The following FANCL variants were observed in gnomAD, a reference collection of about 807,000 sequenced individuals.
The protein encoded by FANCL is FA complementation group L.
FANCL carries 69 observed loss-of-function variants against 59.4 expected under a neutral mutation model. The ratio of observed to expected loss-of-function variants is 1.16; its 90% CI spans 0.96 to 1.42. The LOEUF is 1.42. Ranked by LOEUF, FANCL falls within the 40% of genes most tolerant of loss-of-function variation. The pLI, the probability that FANCL is intolerant of heterozygous loss-of-function variation, is 0.00. For missense variants in FANCL, 519 were observed against 447.2 expected (o/e 1.16, Z -1.45); for synonymous variants, 180 against 147.1 (o/e 1.22, Z -1.62).
chr2:58,190,574 C>A (rs140197922), intron 7 of FANCL, among the ~76,000 whole-genome samples: 1,754 of 151,318 alleles, frequency 0.012, 28 homozygotes, highest in African/African-American at 0.038. Flanking sequence ...CAAAAGGGTG[C>A]TACCATCCAT....
chr2:58,222,672 T>G (rs1692602183), intron 4 of FANCL, among the ~76,000 whole-genome samples: 1 of 152,018 alleles, frequency 6.6e-6, no homozygotes, highest in Non-Finnish European at 1.5e-5. Context: ...CAACCAAAAC[T>G]AAAATTTTTT....
chr2:58,239,574 T>C (rs183232217), intron 1 of FANCL, among the ~76,000 whole-genome samples: 1 of 152,336 alleles, frequency 6.6e-6, no homozygotes, highest in East Asian at 1.9e-4. Flanking sequence ...AACTGTATCA[T>C]AAACAAAATT....
intron 8 of FANCL, among the ~76,000 whole-genome samples, chr2:58,163,776 C>T (rs1181406842): frequency 1.3e-5 from 2 of 151,920 alleles, no homozygotes; most frequent in African/African-American, 2.4e-5. Flanking sequence ...TTCTGGTCAA[C>T]TGTATTAAAG....
At chr2:58,188,770 G>GA (rs78612128) in intron 7 of FANCL, among the ~76,000 whole-genome samples, 211 of 135,106 alleles carry the variant, frequency 1.6e-3, no homozygotes, top group Non-Finnish European at 1.6e-3. Flanking sequence ...AATTAGGAAG[G>GA]AAAAAAAAAA....
At chr2:58,233,194 C>T (rs928478991) in intron 1 of FANCL, among the ~76,000 whole-genome samples, 2 of 151,954 alleles carry the variant, frequency 1.3e-5, no homozygotes, top group African/African-American at 4.8e-5. Context: ...ACATCCCACA[C>T]AAAGGTGTAA....
chr2:58,226,745 C>A lies in FANCL; in HGVS notation c.256G>T (p.Glu86Ter). The change falls in exon 4 of 14, where the codon GAG becomes TAG. Residue 86 changes from glutamate (E) to a stop codon, truncating the protein, a stop_gained. Coordinates refer to ENST00000233741, the MANE Select transcript of FANCL (RefSeq NM_018062.4). LOFTEE classifies it high-confidence loss of function. ...ATTCTTACCAAAAGCATCTTCAACT[C>A]CATCATAAAGCTCATTAGATCAGGA... ...HSPDLMSFMM[E>*]LKMLLEVALK... 1.2e-6 allele frequency: 2 copies of A among 1,613,230 alleles called. No individual in the cohort carries two copies. Among genetic ancestry groups the A allele is most frequent in the Non-Finnish European group, 1.7e-6 (2 of 1,179,598 alleles).
chr2:58,184,842 C>T (rs556526750), intron 7 of FANCL, among the ~76,000 whole-genome samples: 8 of 152,164 alleles, frequency 5.3e-5, no homozygotes, highest in East Asian at 1.9e-4. Context: ...GAGGAAACAT[C>T]GTGAGAAAGT....
chr2:58,240,640 T>G (rs775231756), intron 1 of FANCL, among the ~76,000 whole-genome samples: 2 of 152,206 alleles, frequency 1.3e-5, no homozygotes, highest in Non-Finnish European at 2.9e-5. Flanking sequence ...TGTTAGTATG[T>G]GTAATAAACT....
At chr2:58,165,694 A>G (rs1685863363) in intron 8 of FANCL, 30 bp downstream of exon 8, 3 of 1,613,834 alleles carry the variant, frequency 1.9e-6, no homozygotes, top group Admixed American at 3.3e-5. Flanking sequence ...AAACACCTAA[A>G]AACAAACCCT....
chr2:58,174,780 A>T (rs1167839473), intron 7 of FANCL, among the ~76,000 whole-genome samples: 2 of 152,322 alleles, frequency 1.3e-5, no homozygotes, highest in Non-Finnish European at 2.9e-5. Context: ...GCAAGAAATA[A>T]CTAAAACCAG....
chr2:58,224,654 T>C (rs970156761), intron 4 of FANCL, among the ~76,000 whole-genome samples: 1 of 151,952 alleles, frequency 6.6e-6, no homozygotes, highest in East Asian at 1.9e-4. Flanking sequence ...TATCAAAACT[T>C]TCCATTGTTA....
intron 7 of FANCL, among the ~76,000 whole-genome samples, chr2:58,177,280 G>T (rs1355896748): frequency 6.6e-6 from 1 of 151,962 alleles, no homozygotes; most frequent in African/African-American, 2.4e-5. Context: ...CCCATTACTG[G>T]GTATATACCC....
chr2:58,227,116 G>C (rs1017259419), intron 3 of FANCL, among the ~76,000 whole-genome samples: 1 of 152,182 alleles, frequency 6.6e-6, no homozygotes, highest in Non-Finnish European at 1.5e-5. Context: ...AGTGTGGCTT[G>C]CTTCTTCAGT....
At chr2:58,165,916 A>AC (rs1190330894) in intron 7 of FANCL, 42 bp from the exon 8 acceptor site, 1 of 1,581,910 alleles carries the variant, frequency 6.3e-7, no homozygotes, top group Non-Finnish European at 8.7e-7. Flanking sequence ...ATGGTACTCT[A>AC]CCAATAGCAG....
intron 6 of FANCL, among the ~76,000 whole-genome samples, chr2:58,200,390 T>C (rs1689877613): frequency 6.6e-6 from 1 of 152,044 alleles, no homozygotes; most frequent in African/African-American, 2.4e-5. Flanking sequence ...ACTAGAAGTG[T>C]TACAAAATCT....
intron 1 of FANCL, among the ~76,000 whole-genome samples, chr2:58,237,028 C>A (rs58950743): frequency 0.019 from 2,863 of 151,974 alleles, 102 homozygotes; most frequent in African/African-American, 0.066. Flanking sequence ...ATTTCAACAC[C>A]CCCTCTCACT....
chr2:58,210,293 C>G (rs1691003572), intron 5 of FANCL, among the ~76,000 whole-genome samples: 1 of 152,146 alleles, frequency 6.6e-6, no homozygotes, highest in Non-Finnish European at 1.5e-5. Flanking sequence ...CAAGGAGGAA[C>G]AAGTCCCATC....
At chr2:58,212,661 T>A (rs1298482391) in intron 5 of FANCL, among the ~76,000 whole-genome samples, 1 of 152,194 alleles carries the variant, frequency 6.6e-6, no homozygotes, top group African/African-American at 2.4e-5. Context: ...ATTTTTTTAA[T>A]AGGCCATTCT....
Position 58,226,902 on chromosome 2 carries a change from G to A in FANCL, c.217-118C>T, listed in dbSNP as rs757995529. 7.8e-4 allele frequency: 636 copies of A among 810,408 alleles called. 9 individuals are homozygous for A. Among genetic ancestry groups the A allele is most frequent in the Non-Finnish European group, 1.5e-4 (74 of 489,770 alleles). The allele number at this position is 810,408 out of a possible 1,614,324, so 50.2% of individuals were successfully genotyped here. A position where few individuals can be genotyped will look rare whatever the true frequency, so the allele number is the denominator to read the frequency against. ...AAAAAGATTAGCTATATCTACATCTGAAAACTATAAGAAATGAAGTATCGG... is the reference window on the plus strand; with the variant it reads ...AAAAAGATTAGCTATATCTACATCTAAAAACTATAAGAAATGAAGTATCGG... On this transcript the variant is annotated intron_variant, in intron 3 of 13. Transcript: ENST00000233741.
Sources: gnomAD v4.1 joint callset for allele counts (sites outside exome capture counted in the v4.1 genomes callset) on GRCh38, gnomAD v4.1.1 for gene constraint, MANE v1.5 for transcripts, NCBI Gene and HGNC (gene_info 2026-07-23, HGNC 2026-07-21) for gene names.